The following TMEM117 variants were observed in gnomAD, a reference collection of about 807,000 sequenced individuals.
TMEM117 encodes the protein transmembrane protein 117.
Under a neutral mutation model 52.4 loss-of-function variants are expected in TMEM117, and 27 were observed. The observed-to-expected ratio is 0.51, with a 90% CI of 0.38 to 0.71. The LOEUF is 0.71. TMEM117 is among the 30% of genes least tolerant of loss of function. The probability of loss-of-function intolerance (pLI) is 0.00; values close to 1 mark genes in which losing one functional copy is unlikely to be tolerated. For synonymous variants in TMEM117, 215 were observed against 206.3 expected, an observed-to-expected ratio of 1.04 and a Z score of -0.36; for missense variants, 556 against 630.5, an observed-to-expected ratio of 0.88 and a Z score of 1.26.
intron 3 of TMEM117, among the ~76,000 whole-genome samples, chr12:44,105,428 G>C (rs1947936274): frequency 6.6e-6 from 1 of 151,802 alleles, no homozygotes; most frequent in Admixed American, 6.6e-5. Context: ...AAAATTTCTG[G>C]CTTGATAATT....
intron 5 of TMEM117, among the ~76,000 whole-genome samples, chr12:44,279,147 A>C (rs1223920963): frequency 6.6e-6 from 1 of 152,228 alleles, no homozygotes; most frequent in East Asian, 1.9e-4. Flanking sequence ...GGAAATGATA[A>C]AGTCAAAGTC....
At chr12:44,360,464 G>A in intron 6 of TMEM117, among the ~76,000 whole-genome samples, 1 of 151,808 alleles carries the variant, frequency 6.6e-6, no homozygotes, top group Non-Finnish European at 1.5e-5. Context: ...CTACTCGGGA[G>A]GCTGAGGCAG....
chr12:44,276,906 G>A (rs567750800), intron 5 of TMEM117, among the ~76,000 whole-genome samples: 8 of 147,164 alleles, frequency 5.4e-5, no homozygotes, highest in African/African-American at 2.1e-4. Flanking sequence ...GTGTGTGTGT[G>A]TATGTGTGTG....
the TMEM117 span, chr12:43,805,993 T>G: frequency 6.5e-7 from 1 of 1,534,048 alleles, no homozygotes; most frequent in African/African-American, 1.4e-5. Context: ...CCCCCGAATT[T>G]CGGATCAATC....
chr12:44,363,040 C>T (rs1240087209), intron 6 of TMEM117, among the ~76,000 whole-genome samples: 3 of 151,894 alleles, frequency 2.0e-5, no homozygotes, highest in Middle Eastern at 3.4e-3. Flanking sequence ...GAGACACAAA[C>T]GAAACAATGG....
intron 3 of TMEM117, among the ~76,000 whole-genome samples, chr12:44,126,617 G>A (rs1344197389): frequency 6.6e-6 from 1 of 152,132 alleles, no homozygotes; most frequent in Non-Finnish European, 1.5e-5. Context: ...TTTCTCATAG[G>A]CTGATGACTG....
chr12:43,918,761 C>A (rs1218606893), intron 2 of TMEM117, among the ~76,000 whole-genome samples: 1 of 152,188 alleles, frequency 6.6e-6, no homozygotes. Context: ...GTCTGCCTTA[C>A]CAACACTCAA....
intron 3 of TMEM117, among the ~76,000 whole-genome samples, chr12:44,047,151 A>G (rs1946893161): frequency 2.6e-5 from 4 of 152,108 alleles, no homozygotes. Flanking sequence ...ATATAGTTCT[A>G]TTAGTTCTGT....
chr12:43,978,016 A>G (rs1945700466), intron 3 of TMEM117, among the ~76,000 whole-genome samples: 1 of 152,164 alleles, frequency 6.6e-6, no homozygotes, highest in African/African-American at 2.4e-5. Flanking sequence ...TCTAGGGTTA[A>G]CACTTGTTGA....
chr12:43,950,717 G>T (rs1945206637), intron 3 of TMEM117, among the ~76,000 whole-genome samples: 1 of 152,130 alleles, frequency 6.6e-6, no homozygotes, highest in Non-Finnish European at 1.5e-5. Flanking sequence ...TGCACTAACA[G>T]ACAAAATTTT....
chr12:44,042,576 G>T (rs535763654), intron 3 of TMEM117, among the ~76,000 whole-genome samples: 1 of 152,192 alleles, frequency 6.6e-6, no homozygotes, highest in East Asian at 1.9e-4. Flanking sequence ...GCAGAAAAAT[G>T]TGAAAAGGAG....
chr12:43,889,077 G>A (rs1731424), intron 2 of TMEM117, among the ~76,000 whole-genome samples: 133,436 of 148,472 alleles, frequency 0.9, 61,081 homozygotes, highest in Non-Finnish European at 0.99. Flanking sequence ...ATCCTCAGGC[G>A]TTGGATTCTT....
At chr12:44,314,151 G>T (rs914320622) in intron 6 of TMEM117, among the ~76,000 whole-genome samples, 2 of 152,112 alleles carry the variant, frequency 1.3e-5, no homozygotes, top group Non-Finnish European at 2.9e-5. Context: ...AATAGGGTTG[G>T]TAACAGGATC....
At chr12:43,915,181 C>G (rs1466156177) in intron 2 of TMEM117, among the ~76,000 whole-genome samples, 1 of 152,154 alleles carries the variant, frequency 6.6e-6, no homozygotes, top group South Asian at 2.1e-4. Context: ...ACCTATACCC[C>G]TTGGAGGGAG....
intron 3 of TMEM117, among the ~76,000 whole-genome samples, chr12:44,135,132 C>T (rs975768943): frequency 1.3e-5 from 2 of 152,136 alleles, no homozygotes; most frequent in Admixed American, 1.3e-4. Context: ...TCTCATATAA[C>T]CTCCAGGAAA....
At chr12:44,017,326 C>CTTTTTTTTTTTTT (rs79007657) in intron 3 of TMEM117, among the ~76,000 whole-genome samples, 2 of 97,126 alleles carry the variant, frequency 2.1e-5, no homozygotes, top group Admixed American at 1.0e-4. Flanking sequence ...TCTTTCTTTC[C>CTTTTTTTTTTTTT]TTTTTTTTTT....
intron 2 of TMEM117, among the ~76,000 whole-genome samples, chr12:43,922,064 T>A (rs1208433072): frequency 6.6e-6 from 1 of 152,150 alleles, no homozygotes; most frequent in Non-Finnish European, 1.5e-5. Context: ...TGCCTTCTTG[T>A]CAGTAGAACC....
At chr12:43,938,253 A>G (rs865926780) in intron 2 of TMEM117, among the ~76,000 whole-genome samples, 1 of 147,790 alleles carries the variant, frequency 6.8e-6, no homozygotes. Context: ...ATTATATATT[A>G]TATATTATAT....
intron 2 of TMEM117, among the ~76,000 whole-genome samples, chr12:43,898,326 C>T (rs915728089): frequency 5.3e-5 from 8 of 150,582 alleles, no homozygotes; most frequent in African/African-American, 2.0e-4. Flanking sequence ...ATTTTAGTGT[C>T]AAGCTGGACT....
Sources: gnomAD v4.1 joint callset for allele counts (sites outside exome capture counted in the v4.1 genomes callset) on GRCh38, gnomAD v4.1.1 for gene constraint, MANE v1.5 for transcripts, NCBI Gene and HGNC (gene_info 2026-07-23, HGNC 2026-07-21) for gene names.